The following PRDM12 variants were observed in gnomAD, a reference collection of about 807,000 sequenced individuals.
PRDM12 encodes the protein PR domain zinc finger protein 12.
Under a neutral mutation model 29.6 loss-of-function variants are expected in PRDM12, and 17 were observed. That is an observed-to-expected ratio of 0.57 (90% confidence interval 0.39 to 0.86). The LOEUF is 0.86. PRDM12 is among the 40% of genes least tolerant of loss of function. The pLI is 0.00. For synonymous variants in PRDM12, 231 were observed against 225.8 expected (o/e 1.02, Z -0.21); for missense variants, 422 against 510.8 (o/e 0.83, Z 1.68).
At chr9:130,666,826 C>G (rs1195031273) in intron 2 of PRDM12, 28 bp downstream of exon 2, 1 of 1,561,884 alleles carries the variant, frequency 6.4e-7, no homozygotes, top group African/African-American at 1.4e-5. Flanking sequence ...CAGAGGGGCG[C>G]AAGGGCCGGC....
chr9:130,668,352 C>T lies in PRDM12; in HGVS notation c.570+39C>T, dbSNP rs1045973749. On this transcript the variant is annotated intron_variant, in intron 3 of 4. Coordinates refer to ENST00000253008, the MANE Select transcript of PRDM12 (RefSeq NM_021619.3). This position sits in a 1 kb window ranked among gnomAD's most constrained non-coding sequence, Gnocchi z 4.0. ...TGTGCACTGTTGTGTAGGGACCAGC[C>T]GGTAAACCCGGCGGGGGGAGGTGTG... 2.1e-5 allele frequency: 34 copies of T among 1,605,762 alleles called. No individual in the cohort carries two copies. The highest frequency in any genetic ancestry group is 6.7e-5 in the Admixed American group (4 of 59,838).
At position 130,668,701 on chromosome 9, in the gene PRDM12, G is replaced by C. The variant is rs971814138; in HGVS notation, c.570+388G>C. ...AGGGAATGCGTTGGGGTGGGAGAGA[G>C]GGCGTGTGTCTGCAGCCGTTTAGCT... On this transcript the variant is annotated intron_variant, in intron 3 of 4. Transcript: ENST00000253008. This position sits in a 1 kb window ranked among gnomAD's most constrained non-coding sequence, Gnocchi z 4.0. Among the ~76,000 whole-genome samples, 2 of 152,134 alleles carry C rather than the reference G, an allele frequency of 1.3e-5. No homozygotes were observed. The highest frequency in any genetic ancestry group is 4.8e-5 in the African/African-American group (2 of 41,426).
At chr9:130,679,762 G>T (rs1830877094) in intron 4 of PRDM12, among the ~76,000 whole-genome samples, 1 of 152,130 alleles carries the variant, frequency 6.6e-6, no homozygotes, top group Non-Finnish European at 1.5e-5. Context: ...CTGGGCTCAA[G>T]CTATCCTCCC....
chr9:130,677,063 A>G (rs1207555046), intron 3 of PRDM12, among the ~76,000 whole-genome samples: 1 of 152,166 alleles, frequency 6.6e-6, no homozygotes, highest in Admixed American at 6.5e-5. Flanking sequence ...AGCTGGGACT[A>G]CAGGCATGCG....
At position 130,681,408 on chromosome 9, in the gene PRDM12, C is replaced by T. The variant is rs1311495662; in HGVS notation, c.843C>T (p.Ser281=). The change falls in exon 5 of 5, where the codon AGC becomes AGT. Residue 281 remains serine, a synonymous_variant. Transcript: ENST00000253008. This position sits in a 1 kb window ranked among gnomAD's most constrained non-coding sequence, Gnocchi z 8.1. ...GCCGCTTCTGCAACCGCCGCTTCAG[C>T]CAGTCGTCCACGCTGCGCAACCACG... ...FVCRFCNRRF[S]QSSTLRNHVR... 11 of 1,600,570 alleles carry T rather than the reference C, an allele frequency of 6.9e-6. No homozygotes were observed. The South Asian group carries it at 8.9e-5, about 13-fold the overall frequency.
intron 2 of PRDM12, among the ~76,000 whole-genome samples, chr9:130,667,212 G>A (rs1174759364): frequency 3.3e-5 from 5 of 152,236 alleles, no homozygotes; most frequent in Non-Finnish European, 5.9e-5. Context: ...CTGGGCTGGG[G>A]GTGAGGTGGG....
Position 130,668,354 on chromosome 9 carries a change from G to A in PRDM12, c.570+41G>A. 6.2e-7 allele frequency: 1 copy of A among 1,606,726 alleles called. No individual in the cohort carries two copies. The highest frequency in any genetic ancestry group is 8.5e-7 in the Non-Finnish European group (1 of 1,174,614). ...TGCACTGTTGTGTAGGGACCAGCCG[G>A]TAAACCCGGCGGGGGGAGGTGTGCA... On this transcript the variant is annotated intron_variant, in intron 3 of 4. Coordinates refer to ENST00000253008, the MANE Select transcript of PRDM12 (RefSeq NM_021619.3). The surrounding 1 kb of genome is among the most constrained non-coding windows in gnomAD (Gnocchi z 4.0).
intron 3 of PRDM12, among the ~76,000 whole-genome samples, chr9:130,674,364 G>C (rs1370694929): frequency 6.6e-6 from 1 of 151,862 alleles, no homozygotes; most frequent in Non-Finnish European, 1.5e-5. Context: ...GGCCAGGCTG[G>C]TCTTGAACCC....
rs1830735930 is a variant in PRDM12 at position 130,666,676 on chromosome 9, G to T, written c.292G>T (p.Glu98Ter). Residue 98 changes from glutamate (E) to a stop codon, truncating the protein, a stop_gained, in exon 2 of 5, where the codon GAG (glutamate) becomes TAG (stop). Coordinates refer to ENST00000253008, the MANE Select transcript of PRDM12 (RefSeq NM_021619.3). LOFTEE classifies it high-confidence loss of function. ...CATCGCTCAGAGCTCCATCCCTGGC[G>T]AGGGCCTCGGCATCTTCTCCAAGAC... ...VIIAQSSIPGEGLGIFSKTWI... is the reference protein window; with the variant it reads ...VIIAQSSIPG The T allele has an allele frequency of 2.5e-6, 4 of 1,613,428 alleles. No homozygotes were observed. The highest frequency in any genetic ancestry group is 3.4e-6 in the Non-Finnish European group (4 of 1,179,820).
At chr9:130,673,087 G>C (rs1403640698) in intron 3 of PRDM12, among the ~76,000 whole-genome samples, 2 of 152,184 alleles carry the variant, frequency 1.3e-5, no homozygotes, top group South Asian at 4.1e-4. Flanking sequence ...TGTGTCCTGA[G>C]CCTATCCCTG....
At chr9:130,678,379 C>A in intron 3 of PRDM12, 150 bp from the exon 4 acceptor site, 1 of 599,570 alleles carries the variant, frequency 1.7e-6, no homozygotes, top group Non-Finnish European at 2.9e-6. Flanking sequence ...TGCAGCTTCC[C>A]GGGACAGCTC....
intron 4 of PRDM12, among the ~76,000 whole-genome samples, chr9:130,680,234 G>A (rs1312333772): frequency 3.3e-5 from 5 of 151,990 alleles, no homozygotes; most frequent in African/African-American, 1.2e-4. Flanking sequence ...CTGCCTGGGA[G>A]GCTGAGGTGG....
chr9:130,669,068 T>C (rs1469790727), intron 3 of PRDM12, among the ~76,000 whole-genome samples: 1 of 152,040 alleles, frequency 6.6e-6, no homozygotes, highest in East Asian at 1.9e-4. Context: ...CCCAGCACTT[T>C]GGGAGGCTGA....
rs1176008733 is a variant in PRDM12 at position 130,678,598 on chromosome 9, G to A, written c.640G>A (p.Gly214Ser). Residue 214 changes from glycine to serine, a missense_variant, in exon 4 of 5, where the codon GGT becomes AGT. Gly to Ser is a moderately conservative substitution (Grantham distance 56). This residue lies in a region of PRDM12 where 300 missense variants were observed against 350.0 expected (regional missense o/e 0.86). Transcript: ENST00000253008. ...ACACAACACCTTCCTGGGGATCCCA[G>A]GTGTGCCCGGGCTAGAGGAGGACCA... ...NSHNTFLGIP[G>S]VPGLEEDQKK... 7.4e-6 allele frequency: 12 copies of A among 1,613,440 alleles called. No homozygotes were observed. Among genetic ancestry groups the A allele is most frequent in the African/African-American group, 1.3e-5 (1 of 74,886 alleles).
At chr9:130,672,999 C>T (rs374948303) in intron 3 of PRDM12, among the ~76,000 whole-genome samples, 6 of 152,208 alleles carry the variant, frequency 3.9e-5, no homozygotes, top group South Asian at 4.1e-4. Flanking sequence ...GAGACTCGGG[C>T]GCTGGTATTC....
intron 4 of PRDM12, among the ~76,000 whole-genome samples, 197 bp downstream of exon 4, chr9:130,678,837 G>T (rs1158695625): frequency 6.6e-6 from 1 of 152,172 alleles, no homozygotes; most frequent in African/African-American, 2.4e-5. Context: ...GGCCGGGCAT[G>T]GGTGGGAGAT....
rs1830751125 is a variant in PRDM12, at chr9:130,668,208, G to A, written c.465G>A (p.Glu155=). ...TVRYFIDASQ[E]DHRSWMTYIK... is the part of the protein sequence containing the mutation. ...GCTACTTCATCGATGCCAGCCAGGA[G>A]GACCACCGGAGCTGGATGACCTACA... Residue 155 remains glutamate, a synonymous_variant, in exon 3 of 5, where the codon GAG becomes GAA. Transcript: ENST00000253008. The surrounding 1 kb of genome is among the most constrained non-coding windows in gnomAD (Gnocchi z 4.0). The A allele has an allele frequency of 6.2e-7, 1 of 1,614,018 alleles. No individual in the cohort carries two copies. The highest frequency in any genetic ancestry group is 8.5e-7 in the Non-Finnish European group (1 of 1,180,028).
intron 3 of PRDM12, among the ~76,000 whole-genome samples, chr9:130,669,815 CAAAA>C (rs55753417): frequency 2.7e-4 from 12 of 44,060 alleles, no homozygotes; most frequent in African/African-American, 5.8e-4. Flanking sequence ...GACTCCATCT[CAAAA>C]AAAAAAAAAA....
rs1830895702 is a variant in PRDM12, at chr9:130,681,100, C to T, written c.683-148C>T. 5 of 802,810 alleles carry T rather than the reference C, an allele frequency of 6.2e-6. No individual in the cohort carries two copies. In the South Asian group the frequency reaches 1.9e-4, roughly 31 times the overall value. The allele number at this position is 802,810 out of a possible 1,614,324, so 49.7% of individuals were successfully genotyped here. ...TTCGCTGTCCCTCCAGTCCGTCTGC[C>T]ACCGTCCAAGCAGCACCCACCCTCA... On this transcript the variant is annotated intron_variant, in intron 4 of 4. Transcript: ENST00000253008. The surrounding 1 kb of genome is among the most constrained non-coding windows in gnomAD (Gnocchi z 8.1).
Sources: gnomAD v4.1 joint callset for allele counts (sites outside exome capture counted in the v4.1 genomes callset) on GRCh38, gnomAD v4.1.1 for gene constraint, gnomAD v4.1.1 regional missense constraint, Gnocchi (gnomAD v3.1) non-coding constraint, MANE v1.5 for transcripts, NCBI Gene and HGNC (gene_info 2026-07-23, HGNC 2026-07-21) for gene names.